Variants in FBXL13 observed in about 807,000 individuals in gnomAD.
The protein encoded by FBXL13 is F-box and leucine rich repeat protein 13, also known as F-box and leucine-rich repeat protein 13.
Under a neutral mutation model 83.6 loss-of-function variants are expected in FBXL13, and 67 were observed. The observed-to-expected ratio is 0.80, with a 90% CI of 0.66 to 0.98. The LOEUF (loss-of-function observed/expected upper bound fraction) is 0.98. Among genes scored for constraint, FBXL13 ranks in the 50% least tolerant of loss-of-function variants. The pLI is 0.00. For missense variants in FBXL13, 822 were observed against 866.5 expected (o/e 0.95, Z 0.64); for synonymous variants, 272 against 299.5 (o/e 0.91, Z 0.95).
chr7:102,894,060 C>A (rs1811951037), intron 11 of FBXL13, among the ~76,000 whole-genome samples: 1 of 152,182 alleles, frequency 6.6e-6, no homozygotes, highest in African/African-American at 2.4e-5. Flanking sequence ...TCCCCTGACT[C>A]TTGCTTTGCT....
intron 14 of FBXL13, 102 bp downstream of exon 15, chr7:102,883,203 G>T: frequency 1.7e-6 from 2 of 1,164,710 alleles, no homozygotes; most frequent in South Asian, 1.8e-5. Flanking sequence ...ATGAACTCTT[G>T]ACTTTCATGT....
intron 6 of FBXL13, among the ~76,000 whole-genome samples, chr7:103,015,010 G>C (rs1405605214): frequency 6.6e-6 from 1 of 151,696 alleles, no homozygotes; most frequent in Non-Finnish European, 1.5e-5. Context: ...GGTCAAGTAG[G>C]CTTCCTCCCT....
intron 6 of FBXL13, among the ~76,000 whole-genome samples, chr7:102,987,174 T>A (rs1829071438): frequency 6.6e-6 from 1 of 150,960 alleles, no homozygotes; most frequent in Non-Finnish European, 1.5e-5. Flanking sequence ...GAGAGAGGAG[T>A]GAGGAATAAA....
chr7:103,019,258 A>G (rs1159044576), intron 6 of FBXL13, among the ~76,000 whole-genome samples: 1 of 152,222 alleles, frequency 6.6e-6, no homozygotes, highest in African/African-American at 2.4e-5. Flanking sequence ...AGAAACAAAG[A>G]TGTTCTTTGA....
chr7:103,056,325 T>C (rs547120991), intron 1 of FBXL13, among the ~76,000 whole-genome samples: 1 of 152,334 alleles, frequency 6.6e-6, no homozygotes, highest in East Asian at 1.9e-4. Flanking sequence ...CTGTTATAGA[T>C]GTGTGTGCAA....
intron 14 of FBXL13, among the ~76,000 whole-genome samples, chr7:102,881,087 T>C (rs1484763892): frequency 1.3e-5 from 2 of 152,218 alleles, no homozygotes; most frequent in Non-Finnish European, 2.9e-5. Flanking sequence ...CGGATCTGAA[T>C]ATTTTTGGCA....
At chr7:103,053,474 G>A (rs116846480) in intron 2 of FBXL13, among the ~76,000 whole-genome samples, 156 of 152,316 alleles carry the variant, frequency 1.0e-3, no homozygotes, top group Non-Finnish European at 1.8e-3. Flanking sequence ...CAGTTTTTAA[G>A]TGATTCCCTA....
At chr7:103,071,088 C>T (rs1798905251) in intron 1 of FBXL13, among the ~76,000 whole-genome samples, 1 of 151,708 alleles carries the variant, frequency 6.6e-6, no homozygotes, top group African/African-American at 2.4e-5. Context: ...AGACTGGACA[C>T]AGCATAAAAC....
chr7:103,064,886 TG>T, intron 1 of FBXL13, among the ~76,000 whole-genome samples: 1 of 152,344 alleles, frequency 6.6e-6, no homozygotes, highest in East Asian at 1.9e-4. Context: ...CCAAGCCTAC[TG>T]GTTCACAGAC....
intron 17 of FBXL13, among the ~76,000 whole-genome samples, chr7:102,834,216 G>A (rs1801432791): frequency 6.6e-6 from 1 of 150,884 alleles, no homozygotes; most frequent in African/African-American, 2.4e-5. Flanking sequence ...TTATCTACAT[G>A]TGCTCAATCA....
rs1054201944 is a variant in FBXL13 at position 103,063,822 on chromosome 7, T to C, written c.-104-8075A>G. Among the ~76,000 whole-genome samples the C allele has an allele frequency of 3.1e-4, 46 of 149,790 alleles. No individual in the cohort carries two copies. The Admixed American group carries it at 3.1e-3, about 10-fold the overall frequency. ...CTCCTGCCTCACACTGCCAAAGTGCTGGAATTACAGTCATGAGCCATCATG... is the reference window on the plus strand; with the variant it reads ...CTCCTGCCTCACACTGCCAAAGTGCCGGAATTACAGTCATGAGCCATCATG... On this transcript the variant is annotated intron_variant, in intron 1 of 19. Coordinates refer to ENST00000313221, the Ensembl canonical transcript of FBXL13.
At chr7:102,919,870 AAAG>A (rs1250828223) in intron 10 of FBXL13, among the ~76,000 whole-genome samples, 1 of 152,254 alleles carries the variant, frequency 6.6e-6, no homozygotes, top group Non-Finnish European at 1.5e-5. Context: ...TCAAAAGGCT[AAAG>A]AATAAGTAAG....
At chr7:102,917,846 C>A (rs1341608365) in intron 10 of FBXL13, among the ~76,000 whole-genome samples, 1 of 151,964 alleles carries the variant, frequency 6.6e-6, no homozygotes, top group Non-Finnish European at 1.5e-5. Flanking sequence ...TAGGTTGTGA[C>A]AATAGGAATA....
intron 4 of FBXL13, 32 bp downstream of exon 5, chr7:103,028,568 C>CA (rs773705595): frequency 6.9e-7 from 1 of 1,449,664 alleles, no homozygotes; most frequent in South Asian, 1.5e-5. Context: ...TAAATGGATA[C>CA]AAAAAGTAAT....
At chr7:103,047,693 A>AT (rs112149908) in intron 2 of FBXL13, among the ~76,000 whole-genome samples, 59 of 151,560 alleles carry the variant, frequency 3.9e-4, no homozygotes, top group Admixed American at 5.9e-4. Flanking sequence ...AGTCCTATAC[A>AT]TTTTTTTTTG....
intron 11 of FBXL13, among the ~76,000 whole-genome samples, chr7:102,897,187 T>C (rs956793646): frequency 1.3e-5 from 2 of 151,914 alleles, no homozygotes; most frequent in Non-Finnish European, 2.9e-5. Flanking sequence ...ATTTTATATA[T>C]ATATGAGTGC....
chr7:102,856,993 G>T (rs1391490658), intron 16 of FBXL13, among the ~76,000 whole-genome samples: 1 of 152,092 alleles, frequency 6.6e-6, no homozygotes, highest in African/African-American at 2.4e-5. Flanking sequence ...TCAACAAATG[G>T]TGCTCTTCAA....
intron 14 of FBXL13, among the ~76,000 whole-genome samples, chr7:102,880,219 T>C (rs1025143944): frequency 6.6e-6 from 1 of 152,250 alleles, no homozygotes; most frequent in Non-Finnish European, 1.5e-5. Context: ...AAAGGATTGA[T>C]GTGTGTTTGA....
chr7:102,847,988 T>C (rs1804333854), intron 17 of FBXL13, among the ~76,000 whole-genome samples: 1 of 152,214 alleles, frequency 6.6e-6, no homozygotes, highest in African/African-American at 2.4e-5. Context: ...TACCAAGGTG[T>C]ATACATATAT....
Sources: gnomAD v4.1 joint callset for allele counts (sites outside exome capture counted in the v4.1 genomes callset) on GRCh38, gnomAD v4.1.1 for gene constraint, MANE v1.5 for transcripts, NCBI Gene and HGNC (gene_info 2026-07-23, HGNC 2026-07-21) for gene names.